DGCR2: variants seen among roughly 807,000 people sequenced by gnomAD.
DGCR2 encodes the protein integral membrane protein DGCR2/IDD.
A neutral mutation model predicts 51.6 loss-of-function variants in DGCR2; 24 were observed. The observed-to-expected ratio is 0.47, with a 90% CI of 0.34 to 0.65. DGCR2 has a LOEUF of 0.65. DGCR2 is among the 30% of genes least tolerant of loss of function. The probability of loss-of-function intolerance (pLI) is 0.01; values close to 1 mark genes in which losing one functional copy is unlikely to be tolerated. For missense variants in DGCR2, 765 were observed against 772.1 expected (o/e 0.99, Z 0.11); for synonymous variants, 340 against 315.4 (o/e 1.08, Z -0.82).
chr22:19,062,427 C>T (rs1042592946), intron 5 of DGCR2, among the ~76,000 whole-genome samples: 2 of 152,194 alleles, frequency 1.3e-5, no homozygotes, highest in Non-Finnish European at 2.9e-5. Context: ...GTCCCCAGGC[C>T]CATCACTCCT....
At chr22:19,065,147 G>A in intron 3 of DGCR2, 80 bp from the exon 4 acceptor site, 4 of 1,226,086 alleles carry the variant, frequency 3.3e-6, no homozygotes, top group Non-Finnish European at 2.3e-6. Context: ...ATCAGGGACA[G>A]GCACACCTTG....
chr22:19,063,286 G>A lies in DGCR2; in HGVS notation c.549-8C>T, dbSNP rs2082707528. 5 of 1,613,390 alleles carry A rather than the reference G, an allele frequency of 3.1e-6. No homozygotes were observed. Among genetic ancestry groups the A allele is most frequent in the Non-Finnish European group, 4.2e-6 (5 of 1,179,604 alleles). On this transcript the variant is annotated splice_polypyrimidine_tract_variant and splice_region_variant and intron_variant, in intron 4 of 9. Coordinates refer to ENST00000263196, the MANE Select transcript of DGCR2 (RefSeq NM_005137.3). ...TGATAGCCAACCCACAACCTGCAGGGCACAGAGACAGAGACAGAGATCTCA... is the reference window on the plus strand; with the variant it reads ...TGATAGCCAACCCACAACCTGCAGGACACAGAGACAGAGACAGAGATCTCA...
chr22:19,041,130 C>G lies in DGCR2; in HGVS notation c.1324G>C (p.Gly442Arg). 6.2e-7 allele frequency: 1 copy of G among 1,613,896 alleles called. No homozygotes were observed. The highest frequency in any genetic ancestry group is 8.5e-7 in the Non-Finnish European group (1 of 1,179,910). ...GGCGGCGGAGGGTCGTCGGGCTGGC[C>G]GATGTCCGGGTACTTGTATGCCGTG... ...PYTAYKYPDIGQPDDPPPPYE... is the reference protein window; with the variant it reads ...PYTAYKYPDIRQPDDPPPPYE... Residue 442 changes from glycine to arginine, a missense_variant, in exon 9 of 10, where the codon GGC (glycine) becomes CGC (arginine). Gly to Arg is a moderately radical substitution (Grantham distance 125). Around this residue, in one of 3 missense-constraint regions of DGCR2, gnomAD observed 205 missense variants for 181.4 expected, o/e 1.13. Coordinates refer to ENST00000263196, the MANE Select transcript of DGCR2 (RefSeq NM_005137.3).
chr22:19,053,145 T>C (rs1327488057), intron 6 of DGCR2, among the ~76,000 whole-genome samples: 1 of 152,152 alleles, frequency 6.6e-6, no homozygotes, highest in East Asian at 1.9e-4. Context: ...CCTGGAGCCT[T>C]TAGGGCCCTG....
At chr22:19,092,721 TAAG>T (rs2083092053) in intron 1 of DGCR2, among the ~76,000 whole-genome samples, 1 of 152,124 alleles carries the variant, frequency 6.6e-6, no homozygotes, top group Non-Finnish European at 1.5e-5. Flanking sequence ...TATCAAAAAA[TAAG>T]AAATACTTAG....
At chr22:19,110,626 A>T (rs984006732) in intron 1 of DGCR2, among the ~76,000 whole-genome samples, 4 of 133,418 alleles carry the variant, frequency 3.0e-5, no homozygotes, top group Non-Finnish European at 4.7e-5. Context: ...AAAGTAAAAT[A>T]AAATTAAATT....
At chr22:19,053,953 C>T (rs2146320398) in intron 6 of DGCR2, among the ~76,000 whole-genome samples, 2 of 151,982 alleles carry the variant, frequency 1.3e-5, no homozygotes, top group East Asian at 1.9e-4. Flanking sequence ...CTTGACATAG[C>T]CAAGGAAAGA....
At chr22:19,054,881 T>A (rs1309821126) in intron 6 of DGCR2, among the ~76,000 whole-genome samples, 5 of 152,104 alleles carry the variant, frequency 3.3e-5, no homozygotes, top group African/African-American at 1.2e-4. Flanking sequence ...GGCAGGTGGA[T>A]CACTTGAGGT....
At chr22:19,062,593 G>T (rs544937780) in intron 5 of DGCR2, among the ~76,000 whole-genome samples, 1 of 152,098 alleles carries the variant, frequency 6.6e-6, no homozygotes, top group African/African-American at 2.4e-5. Flanking sequence ...GCGGCAGCTG[G>T]AGAAGGCACT....
rs192729375 is a variant in DGCR2, at chr22:19,039,670, T to C, written c.1397-549A>G. Among the ~76,000 whole-genome samples, 585 of 152,270 alleles carry C rather than the reference T, an allele frequency of 3.8e-3. 19 individuals carry two copies. The highest frequency in any genetic ancestry group is 0.032 in the Admixed American group (483 of 15,302). ...GGAAGCTCTGATCCAAGGCAGGCTG[T>C]GTGGTAGGCAGTCGACTCGCTTTGT... On this transcript the variant is annotated intron_variant, in intron 9 of 9. Coordinates refer to ENST00000263196, the MANE Select transcript of DGCR2 (RefSeq NM_005137.3).
intron 4 of DGCR2, among the ~76,000 whole-genome samples, chr22:19,063,659 G>A (rs900942536): frequency 1.3e-5 from 2 of 151,922 alleles, no homozygotes; most frequent in Non-Finnish European, 1.5e-5. Flanking sequence ...ACAACACTGA[G>A]CTTCTAACAT....
chr22:19,111,819 G>A (rs1335694480), intron 1 of DGCR2, among the ~76,000 whole-genome samples: 1 of 151,338 alleles, frequency 6.6e-6, no homozygotes, highest in African/African-American at 2.4e-5. Context: ...AATAGCCCTT[G>A]AACATCTAAA....
chr22:19,087,669 T>C (rs1436744298), intron 2 of DGCR2, among the ~76,000 whole-genome samples: 2 of 148,900 alleles, frequency 1.3e-5, no homozygotes, highest in African/African-American at 4.9e-5. Context: ...CATGAGCCAC[T>C]GCACCTGGCT....
At position 19,038,730 on chromosome 22, in the gene DGCR2, C is replaced by A; in HGVS notation, c.*135G>T. The A allele has an allele frequency of 8.1e-7, 1 of 1,237,314 alleles. No individual in the cohort carries two copies. Among genetic ancestry groups the A allele is most frequent in the Non-Finnish European group, 1.1e-6 (1 of 886,036 alleles). 76.6% of individuals were successfully genotyped at this position (1,237,314 alleles called of 1,614,324 possible). On this transcript the variant is annotated 3_prime_UTR_variant, in exon 10 of 10. Coordinates refer to ENST00000263196, the MANE Select transcript of DGCR2 (RefSeq NM_005137.3). ...AGGCGGGCTGTGGTCTCTATGTACACACGCGAGCCCGCCAGTGACGTGCGG... is the reference window on the plus strand; with the variant it reads ...AGGCGGGCTGTGGTCTCTATGTACAAACGCGAGCCCGCCAGTGACGTGCGG...
chr22:19,062,650 C>T (rs1225784149), intron 5 of DGCR2, among the ~76,000 whole-genome samples: 1 of 151,976 alleles, frequency 6.6e-6, no homozygotes, highest in East Asian at 1.9e-4. Context: ...GGCAATGGGA[C>T]AGGAAGGGCA....
rs542057146 is a variant in DGCR2 at position 19,090,747 on chromosome 22, A to T, written c.80-1257T>A. ...ATAAGTTAATGATGAACCCGACTAA[A>T]ATAACACAAGAGTTGTGGCAAGTAA... On this transcript the variant is annotated intron_variant, in intron 1 of 9. Coordinates refer to ENST00000263196, the MANE Select transcript of DGCR2 (RefSeq NM_005137.3). 2.0e-5 allele frequency among the ~76,000 whole-genome samples: 3 copies of T among 152,330 alleles called. No homozygotes were observed. The South Asian group carries it at 6.2e-4, about 32-fold the overall frequency.
intron 1 of DGCR2, among the ~76,000 whole-genome samples, chr22:19,103,763 A>T (rs1371539309): frequency 1.4e-5 from 2 of 147,064 alleles, no homozygotes; most frequent in Non-Finnish European, 3.0e-5. Flanking sequence ...AAAAAAAAAA[A>T]GGCCAGGTGC....
intron 6 of DGCR2, among the ~76,000 whole-genome samples, chr22:19,051,472 C>CAAT (rs2082548197): frequency 1.3e-5 from 2 of 152,192 alleles, no homozygotes; most frequent in African/African-American, 4.8e-5. Flanking sequence ...ATCATTAGTT[C>CAAT]ACACCTGTAA....
intron 7 of DGCR2, among the ~76,000 whole-genome samples, chr22:19,042,505 G>A (rs149514372): frequency 6.6e-6 from 1 of 152,358 alleles, no homozygotes; most frequent in Non-Finnish European, 1.5e-5. Flanking sequence ...GGAGGCCAGG[G>A]TTGGCCAGGT....
Sources: allele counts gnomAD v4.1 joint callset (sites outside exome capture counted in the v4.1 genomes callset), GRCh38; gene constraint gnomAD v4.1.1; regional missense constraint gnomAD v4.1.1; transcripts MANE v1.5; gene names NCBI Gene and HGNC (gene_info 2026-07-23, HGNC 2026-07-21).